The following DAAM2 variants were observed in gnomAD, a reference collection of about 807,000 sequenced individuals.
The protein encoded by DAAM2 is dishevelled associated activator of morphogenesis 2.
DAAM2 carries 39 observed loss-of-function variants against 120.7 expected under a neutral mutation model. The ratio of observed to expected loss-of-function variants is 0.32; its 90% CI spans 0.25 to 0.42. The LOEUF (loss-of-function observed/expected upper bound fraction) is 0.42, where lower values mean the gene tolerates loss of function less well. Ranked by LOEUF, DAAM2 falls within the 10% of genes least tolerant of loss-of-function variation. DAAM2 has a pLI of 1.00. For synonymous variants in DAAM2, 488 were observed against 524.9 expected (o/e 0.93, Z 0.96); for missense variants, 1,283 against 1,401.7 (o/e 0.92, Z 1.35).
chr6:39,833,231 G>A (rs934164543), intron 1 of DAAM2, among the ~76,000 whole-genome samples: 5 of 152,072 alleles, frequency 3.3e-5, no homozygotes, highest in Non-Finnish European at 7.4e-5. Context: ...GTACTAGAAA[G>A]ATTTTCTTTT....
chr6:39,871,290 C>T (rs746282660), intron 8 of DAAM2, among the ~76,000 whole-genome samples: 7 of 152,080 alleles, frequency 4.6e-5, no homozygotes, highest in Non-Finnish European at 8.8e-5. Flanking sequence ...GGTGAAGGGA[C>T]CCTGGATTGG....
chr6:39,846,626 C>T (rs539333158), intron 1 of DAAM2, among the ~76,000 whole-genome samples: 4 of 152,160 alleles, frequency 2.6e-5, no homozygotes, highest in South Asian at 2.1e-4. Context: ...CTAGAACCCC[C>T]GCTGGGCTAC....
intron 1 of DAAM2, among the ~76,000 whole-genome samples, chr6:39,795,543 A>G (rs996997502): frequency 2.6e-5 from 4 of 152,220 alleles, no homozygotes; most frequent in African/African-American, 9.7e-5. Flanking sequence ...GAAAACATTT[A>G]TGCACAAGAA....
At position 39,878,053 on chromosome 6, in the gene DAAM2, C is replaced by A; in HGVS notation, c.1302-150C>A. On this transcript the variant is annotated intron_variant, in intron 11 of 24. Coordinates refer to ENST00000274867, the MANE Select transcript of DAAM2 (RefSeq NM_001201427.2). The surrounding 1 kb of genome is among the most constrained non-coding windows in gnomAD (Gnocchi z 5.0). Reference sequence around the variant, plus strand: ...ACGGGGCAGGGGACCTGGAGAGACACCTGGGAAGTCTAAATCCTAGCCCCC... The same window carrying A: ...ACGGGGCAGGGGACCTGGAGAGACAACTGGGAAGTCTAAATCCTAGCCCCC... The A allele has an allele frequency of 5.4e-6, 4 of 741,250 alleles. No individual in the cohort carries two copies. Among genetic ancestry groups the A allele is most frequent in the Non-Finnish European group, 8.8e-6 (4 of 453,776 alleles). 45.9% of individuals were successfully genotyped at this position (741,250 alleles called of 1,614,324 possible). A position where few individuals can be genotyped will look rare whatever the true frequency, so the allele number is the denominator to read the frequency against.
chr6:39,807,254 C>T (rs1458349634), intron 1 of DAAM2, among the ~76,000 whole-genome samples: 1 of 149,582 alleles, frequency 6.7e-6, no homozygotes, highest in Non-Finnish European at 1.5e-5. Context: ...ATCTCAGAAA[C>T]GATATGAAGT....
intron 14 of DAAM2, among the ~76,000 whole-genome samples, chr6:39,882,805 C>T (rs886864952): frequency 1.3e-5 from 2 of 152,106 alleles, no homozygotes; most frequent in African/African-American, 4.8e-5. Flanking sequence ...GGCCAGCTGC[C>T]TGTATCCCTT....
intron 14 of DAAM2, chr6:39,881,880 C>T (rs1395302601): frequency 3.3e-5 from 5 of 151,866 alleles, no homozygotes; most frequent in South Asian, 2.1e-4. Flanking sequence ...CACGTCATCT[C>T]GGTGAGGTAA....
intron 1 of DAAM2, among the ~76,000 whole-genome samples, chr6:39,826,469 G>A (rs1371234988): frequency 2.6e-5 from 4 of 152,034 alleles, no homozygotes; most frequent in Non-Finnish European, 4.4e-5. Flanking sequence ...GGGGACTCTC[G>A]ACTCCTTCTC....
intron 1 of DAAM2, among the ~76,000 whole-genome samples, chr6:39,800,944 C>G (rs951088246): frequency 1.3e-5 from 2 of 152,162 alleles, no homozygotes; most frequent in African/African-American, 4.8e-5. Context: ...CCAGAGTCTG[C>G]ATCCCAAGAA....
chr6:39,799,367 C>T (rs1313079874), intron 1 of DAAM2, among the ~76,000 whole-genome samples: 27 of 152,150 alleles, frequency 1.8e-4, no homozygotes, highest in Non-Finnish European at 1.5e-5. Flanking sequence ...CTTTCGTTAG[C>T]ACCGTAATAG....
intron 19 of DAAM2, among the ~76,000 whole-genome samples, chr6:39,894,970 G>A (rs1765983961): frequency 6.6e-6 from 1 of 152,018 alleles, no homozygotes; most frequent in Non-Finnish European, 1.5e-5. Context: ...ATTTTAGGCT[G>A]GTGACTTTTG....
chr6:39,880,954 AG>A (rs1428958620), intron 14 of DAAM2, among the ~76,000 whole-genome samples: 1 of 152,254 alleles, frequency 6.6e-6, no homozygotes, highest in African/African-American at 2.4e-5. Context: ...ACGTGCAGAA[AG>A]GTTCATTGTT....
chr6:39,856,308 C>A lies in DAAM2; in HGVS notation c.6C>A (p.Ala2=), dbSNP rs1413468825. The change falls in exon 2 of 25, where the codon GCC becomes GCA. Residue 2 remains alanine (A), a synonymous_variant. Transcript: ENST00000274867. ...CCCCCTGGCCTGCAGTGACCATGGC[C>A]CCCCGCAAGAGGAGCCACCATGGCC... M[A]PRKRSHHGLG... is the part of the protein sequence containing the mutation. 3 of 1,531,422 alleles carry A rather than the reference C, an allele frequency of 2.0e-6. No homozygotes were observed. Among genetic ancestry groups the A allele is most frequent in the East Asian group, 2.5e-5 (1 of 39,678 alleles). 94.9% of individuals were successfully genotyped at this position (1,531,422 alleles called of 1,614,324 possible). A position where few individuals can be genotyped will look rare whatever the true frequency, so the allele number is the denominator to read the frequency against.
At chr6:39,792,549 C>G (rs985950420) in intron 1 of DAAM2, 84 bp downstream of exon 1, 6 of 152,126 alleles carry the variant, frequency 3.9e-5, no homozygotes, top group Admixed American at 1.3e-4. Flanking sequence ...CACTTCTCTC[C>G]CTCTGCTTTC....
At chr6:39,797,239 T>G (rs1180481579) in intron 1 of DAAM2, among the ~76,000 whole-genome samples, 1 of 152,204 alleles carries the variant, frequency 6.6e-6, no homozygotes, top group African/African-American at 2.4e-5. Context: ...AATACTGTCC[T>G]GAGAATCAAG....
chr6:39,883,836 G>A, intron 14 of DAAM2, 126 bp from the exon 15 acceptor site: 1 of 665,856 alleles, frequency 1.5e-6, no homozygotes, highest in Non-Finnish European at 2.7e-6. Context: ...ACTACCTTCT[G>A]AAGGTCTGAA....
At chr6:39,828,005 C>A (rs1762738179) in intron 1 of DAAM2, among the ~76,000 whole-genome samples, 1 of 152,190 alleles carries the variant, frequency 6.6e-6, no homozygotes, top group African/African-American at 2.4e-5. Context: ...CTCCTCCTCC[C>A]CACCAATTTC....
Position 39,860,922 on chromosome 6 carries a change from T to C in DAAM2, c.169-6T>C. 1 of 1,611,146 alleles carries C rather than the reference T, an allele frequency of 6.2e-7. No individual in the cohort carries two copies. Among genetic ancestry groups the C allele is most frequent in the South Asian group, 1.1e-5 (1 of 90,226 alleles). ...TCAGACGTATTTTTTCTTATTGTCT[T>C]TGCAGGATGAATTGGATCTCACTGA... On this transcript the variant is annotated splice_polypyrimidine_tract_variant and splice_region_variant and intron_variant, in intron 2 of 24. Transcript: ENST00000274867.
At chr6:39,890,125 C>CAA (rs35385585) in intron 17 of DAAM2, among the ~76,000 whole-genome samples, 16 of 149,600 alleles carry the variant, frequency 1.1e-4, no homozygotes, top group South Asian at 2.1e-4. Context: ...GAGACTCCAT[C>CAA]AAAAAAAAAG....
Sources: gnomAD v4.1 joint callset for allele counts (sites outside exome capture counted in the v4.1 genomes callset) on GRCh38, gnomAD v4.1.1 for gene constraint, Gnocchi (gnomAD v3.1) non-coding constraint, MANE v1.5 for transcripts, NCBI Gene and HGNC (gene_info 2026-07-23, HGNC 2026-07-21) for gene names.